THRB: variants seen among roughly 807,000 people sequenced by gnomAD.
THRB encodes the protein thyroid hormone receptor beta.
In THRB, 12 loss-of-function variants were observed where a neutral mutation model predicts 47.8. The observed-to-expected ratio is 0.25, with a 90% confidence interval of 0.16 to 0.41. The LOEUF (loss-of-function observed/expected upper bound fraction) is 0.41. Ranked by LOEUF, THRB falls within the 10% of genes least tolerant of loss-of-function variation. THRB has a pLI of 1.00. For missense variants in THRB, 348 were observed against 589.2 expected (o/e 0.59, Z 4.24); for synonymous variants, 218 against 212.2 (o/e 1.03, Z -0.24).
chr3:24,134,833 C>G (rs2034406696), intron 8 of THRB, among the ~76,000 whole-genome samples: 1 of 152,022 alleles, frequency 6.6e-6, no homozygotes, highest in Non-Finnish European at 1.5e-5. Flanking sequence ...TTTTCCGCAC[C>G]CAGGGGCTTG....
chr3:24,161,086 A>T (rs1432556429), intron 5 of THRB, among the ~76,000 whole-genome samples: 1 of 152,230 alleles, frequency 6.6e-6, no homozygotes, highest in Non-Finnish European at 1.5e-5. Flanking sequence ...TTTGGAAACG[A>T]TTATTGCTCC....
chr3:24,317,127 A>G (rs2058170763), intron 2 of THRB, among the ~76,000 whole-genome samples: 1 of 152,178 alleles, frequency 6.6e-6, no homozygotes, highest in African/African-American at 2.4e-5. Flanking sequence ...TATCCTGTAT[A>G]TTTTATAAGT....
chr3:24,365,291 G>T (rs560503264), intron 1 of THRB, among the ~76,000 whole-genome samples: 1 of 152,184 alleles, frequency 6.6e-6, no homozygotes, highest in South Asian at 2.1e-4. Context: ...ACAGGCAGAG[G>T]GCAGAACAGG....
At chr3:24,368,081 T>C (rs971291388) in intron 1 of THRB, among the ~76,000 whole-genome samples, 1 of 152,156 alleles carries the variant, frequency 6.6e-6, no homozygotes, top group Non-Finnish European at 1.5e-5. Context: ...ACTTAACATA[T>C]GTAATTATTT....
At position 24,122,521 on chromosome 3, in the gene THRB, A is replaced by G. The variant is rs2031877831; in HGVS notation, c.*363T>C. 2.9e-6 allele frequency: 1 copy of G among 343,276 alleles called. No homozygotes were observed. The highest frequency in any genetic ancestry group is 2.7e-5 in the South Asian group (1 of 37,552). The allele number at this position is 343,276 out of a possible 1,614,324, so 21.3% of individuals were successfully genotyped here. A position where few individuals can be genotyped will look rare whatever the true frequency, so the allele number is the denominator to read the frequency against. On this transcript the variant is annotated 3_prime_UTR_variant, in exon 11 of 11. Coordinates refer to ENST00000646209, the MANE Select transcript of THRB (RefSeq NM_001354712.2). ...AGGATTGGGTGGAGGTGGTCGTATT[A>G]TCTTGGTTTTAAGGCTTCTTTAGTG...
At chr3:24,309,118 C>A (rs976297982) in intron 2 of THRB, among the ~76,000 whole-genome samples, 1 of 152,210 alleles carries the variant, frequency 6.6e-6, no homozygotes. Flanking sequence ...AAAGTGGGTT[C>A]TACCTCCTTG....
At chr3:24,281,228 C>G (rs955346445) in intron 3 of THRB, among the ~76,000 whole-genome samples, 2 of 152,256 alleles carry the variant, frequency 1.3e-5, no homozygotes, top group Non-Finnish European at 2.9e-5. Context: ...ATCAGACTAA[C>G]AGCAGATCTC....
chr3:24,326,850 T>C (rs2061633373), intron 2 of THRB, among the ~76,000 whole-genome samples: 2 of 140,352 alleles, frequency 1.4e-5, no homozygotes, highest in African/African-American at 5.3e-5. Flanking sequence ...CTTCAACCTC[T>C]ACCTCCTGGG....
chr3:24,263,423 G>C (rs919545552), intron 3 of THRB, among the ~76,000 whole-genome samples: 2 of 152,156 alleles, frequency 1.3e-5, no homozygotes, highest in African/African-American at 4.8e-5. Flanking sequence ...AGTTGAAGCA[G>C]AATGTGTCAG....
At chr3:24,143,952 A>G in intron 7 of THRB, 1 of 561,634 alleles carries the variant, frequency 1.8e-6, no homozygotes. Flanking sequence ...AAGTCCCCAG[A>G]GAACCTAGAC....
chr3:24,287,627 T>A (rs912674882), intron 3 of THRB, among the ~76,000 whole-genome samples: 1 of 152,218 alleles, frequency 6.6e-6, no homozygotes, highest in Non-Finnish European at 1.5e-5. Flanking sequence ...AACAGGAGCG[T>A]TGTCCCAGCT....
intron 1 of THRB, among the ~76,000 whole-genome samples, chr3:24,435,092 T>C (rs540871768): frequency 6.6e-6 from 1 of 152,248 alleles, no homozygotes; most frequent in African/African-American, 2.4e-5. Context: ...TGGAGCTGCC[T>C]TCATTGAAAA....
intron 1 of THRB, among the ~76,000 whole-genome samples, chr3:24,387,016 A>G (rs190183529): frequency 2.0e-5 from 3 of 152,218 alleles, no homozygotes; most frequent in Admixed American, 2.0e-4. Flanking sequence ...TTTCTGCCAC[A>G]TCAATTGGAA....
At chr3:24,255,853 G>A (rs933445469) in intron 3 of THRB, among the ~76,000 whole-genome samples, 2 of 152,188 alleles carry the variant, frequency 1.3e-5, no homozygotes, top group Non-Finnish European at 2.9e-5. Flanking sequence ...TTAAGTGAAG[G>A]AAGTAGCAAT....
chr3:24,312,636 C>A (rs1181269195), intron 2 of THRB, among the ~76,000 whole-genome samples: 1 of 152,094 alleles, frequency 6.6e-6, no homozygotes, highest in Non-Finnish European at 1.5e-5. Context: ...TTTTCACATT[C>A]TTTTTTTCTC....
intron 1 of THRB, among the ~76,000 whole-genome samples, chr3:24,440,395 C>T (rs949054749): frequency 6.6e-6 from 1 of 152,146 alleles, no homozygotes; most frequent in Non-Finnish European, 1.5e-5. Flanking sequence ...TAGAGACCAG[C>T]CCCACACAGG....
chr3:24,238,512 A>G (rs901081768), intron 3 of THRB, among the ~76,000 whole-genome samples: 3 of 152,208 alleles, frequency 2.0e-5, no homozygotes, highest in African/African-American at 7.2e-5. Flanking sequence ...ATTTTTAAAA[A>G]GAGTTTGATA....
At chr3:24,347,871 T>C (rs1422183777) in intron 1 of THRB, among the ~76,000 whole-genome samples, 1 of 152,130 alleles carries the variant, frequency 6.6e-6, no homozygotes, top group Non-Finnish European at 1.5e-5. Flanking sequence ...CCTAAACTGC[T>C]GGAGAGTGAG....
At chr3:24,429,239 A>T (rs1487962881) in intron 1 of THRB, among the ~76,000 whole-genome samples, 1 of 150,732 alleles carries the variant, frequency 6.6e-6, no homozygotes, top group Non-Finnish European at 1.5e-5. Context: ...GTGGTATTTG[A>T]CATATATACT....
Sources: allele counts gnomAD v4.1 joint callset (sites outside exome capture counted in the v4.1 genomes callset), GRCh38; gene constraint gnomAD v4.1.1; transcripts MANE v1.5; gene names NCBI Gene and HGNC (gene_info 2026-07-23, HGNC 2026-07-21).